The following DGKK variants were observed in gnomAD, a reference collection of about 807,000 sequenced individuals.
DGKK encodes diacylglycerol kinase kappa.
A neutral mutation model predicts 92.2 loss-of-function variants in DGKK; 35 were observed. The ratio of observed to expected loss-of-function variants is 0.38; its 90% CI spans 0.29 to 0.50. DGKK has a LOEUF of 0.50. Among genes scored for constraint, DGKK ranks in the 20% least tolerant of loss-of-function variants. The pLI is 0.92. For missense variants in DGKK, 910 were observed against 992.2 expected (o/e 0.92, Z 1.11); for synonymous variants, 368 against 360.6 (o/e 1.02, Z -0.23).
At chrX:50,439,604 G>A (rs1602296610) in intron 1 of DGKK, among the ~76,000 whole-genome samples, 1 of 110,889 alleles carries the variant, frequency 9.0e-6, no homozygotes, top group Admixed American at 9.7e-5. Context: ...TTTGATATTA[G>A]TGTTTTGCCC....
chrX:50,405,334 C>A (rs1925123046), intron 4 of DGKK, among the ~76,000 whole-genome samples: 2 of 111,559 alleles, frequency 1.8e-5, no homozygotes, highest in African/African-American at 6.5e-5. Context: ...CAAAAAAACT[C>A]CAAGGACTCT....
intron 1 of DGKK, among the ~76,000 whole-genome samples, chrX:50,435,715 GTGTGTA>G (rs1382422877): frequency 1.5e-4 from 15 of 97,447 alleles, no homozygotes; most frequent in African/African-American, 3.8e-4. Flanking sequence ...AGGAGTGTGT[GTGTGTA>G]TGTGTGTGTG....
At chrX:50,401,232 T>C in intron 7 of DGKK, 93 bp from the exon 8 acceptor site, 1 of 795,037 alleles carries the variant, frequency 1.3e-6, no homozygotes, top group Non-Finnish European at 1.9e-6. Context: ...AAGATTTAGA[T>C]TCTTAGTATT....
chrX:50,371,235 G>A (rs1379257193), intron 26 of DGKK, among the ~76,000 whole-genome samples: 1 of 111,878 alleles, frequency 8.9e-6, no homozygotes, highest in Non-Finnish European at 1.9e-5. Context: ...CCCAGAGTGG[G>A]AGGGACGGAA....
At chrX:50,397,346 A>G (rs1557226209) in intron 8 of DGKK, among the ~76,000 whole-genome samples, 1 of 112,396 alleles carries the variant, frequency 8.9e-6, no homozygotes, top group African/African-American at 3.2e-5. Context: ...CTCTTCCCGT[A>G]CTTTTAAAAT....
intron 11 of DGKK, 35 bp from the exon 12 acceptor site, chrX:50,390,444 C>T (rs782414702): frequency 3.0e-5 from 34 of 1,143,017 alleles, no homozygotes; most frequent in Non-Finnish European, 3.9e-5. Flanking sequence ...ATTTAAGGGT[C>T]TGTTTCATGA....
At chrX:50,467,618 C>T (rs1168631810) in intron 1 of DGKK, among the ~76,000 whole-genome samples, 5 of 112,723 alleles carry the variant, frequency 4.4e-5, no homozygotes, top group Non-Finnish European at 5.6e-5. Flanking sequence ...ACAGTTTTTT[C>T]CCCCCAAGCT....
At chrX:50,447,356 T>TGA (rs1926353703) in intron 1 of DGKK, among the ~76,000 whole-genome samples, 3 of 10,601 alleles carry the variant, frequency 2.8e-4, no homozygotes, top group African/African-American at 8.9e-4. Flanking sequence ...TATATATATA[T>TGA]AATATATATA....
intron 17 of DGKK, among the ~76,000 whole-genome samples, chrX:50,383,172 C>A (rs1557224618): frequency 8.9e-6 from 1 of 111,834 alleles, no homozygotes; most frequent in Non-Finnish European, 1.9e-5. Flanking sequence ...TGTGCCATAG[C>A]CAGTTGGCAC....
intron 4 of DGKK, among the ~76,000 whole-genome samples, chrX:50,408,101 T>C (rs1602282339): frequency 8.9e-6 from 1 of 112,559 alleles, no homozygotes; most frequent in African/African-American, 3.2e-5. Flanking sequence ...GTTGCCATCA[T>C]AGGCCCAAAG....
At chrX:50,428,842 C>G (rs1208958203) in intron 1 of DGKK, among the ~76,000 whole-genome samples, 1 of 111,766 alleles carries the variant, frequency 8.9e-6, no homozygotes, top group African/African-American at 3.3e-5. Context: ...CTAAATAAAC[C>G]ATTGTTTATT....
chrX:50,451,850 T>C (rs977289497), intron 1 of DGKK, among the ~76,000 whole-genome samples: 41 of 112,079 alleles, frequency 3.7e-4, no homozygotes, highest in Non-Finnish European at 7.2e-4. Flanking sequence ...ATGACTCTGA[T>C]GTTAAGATGC....
intron 1 of DGKK, among the ~76,000 whole-genome samples, chrX:50,444,811 T>G (rs1422014314): frequency 5.4e-5 from 6 of 110,520 alleles, no homozygotes; most frequent in Non-Finnish European, 9.5e-5. Flanking sequence ...ATATACTCAG[T>G]AATGGGATTG....
At chrX:50,444,814 T>C (rs895010069) in intron 1 of DGKK, among the ~76,000 whole-genome samples, 3 of 111,321 alleles carry the variant, frequency 2.7e-5, no homozygotes, top group Non-Finnish European at 5.7e-5. Context: ...TACTCAGTAA[T>C]GGGATTGCTG....
At chrX:50,374,376 A>G (rs1206755840) in intron 25 of DGKK, among the ~76,000 whole-genome samples, 1 of 111,221 alleles carries the variant, frequency 9.0e-6, no homozygotes, top group Non-Finnish European at 1.9e-5. Flanking sequence ...GCAAAGAAGG[A>G]CCCCTTACAG....
intron 22 of DGKK, 54 bp from the exon 23 acceptor site, chrX:50,376,972 A>G: frequency 1.8e-6 from 2 of 1,095,755 alleles, no homozygotes; most frequent in Non-Finnish European, 2.4e-6. Context: ...ACTAGTGCAC[A>G]TGACAGATCT....
chrX:50,382,349 CGCT>C, intron 18 of DGKK, 144 bp downstream of exon 18: 1 of 442,819 alleles, frequency 2.3e-6, no homozygotes, highest in South Asian at 5.1e-5. Flanking sequence ...CACACTGTCC[CGCT>C]AGACTAGTCT....
In DGKK at chrX:50,380,108, G is replaced by A. The variant is rs781896623; in HGVS notation, c.2658-31C>T. 1.6e-4 allele frequency: 168 copies of A among 1,079,908 alleles called. 2 individuals are homozygous for A. The East Asian group carries it at 5.0e-3, about 32-fold the overall frequency. 89.0% of individuals were successfully genotyped at this position (1,079,908 alleles called of 1,213,427 possible). On this transcript the variant is annotated intron_variant, in intron 18 of 27. Coordinates refer to ENST00000611977, the MANE Select transcript of DGKK (RefSeq NM_001013742.4). Reference sequence around the variant, plus strand: ...TGGAGGTAAGCATTAAGAAAGCAGAGGGTGAATGATATATAGATAAATGGT... The same window carrying A: ...TGGAGGTAAGCATTAAGAAAGCAGAAGGTGAATGATATATAGATAAATGGT...
At chrX:50,445,121 C>CTT (rs57163220) in intron 1 of DGKK, among the ~76,000 whole-genome samples, 19 of 67,462 alleles carry the variant, frequency 2.8e-4, no homozygotes, top group African/African-American at 5.6e-4. Context: ...CCTTTGCCCA[C>CTT]TTTTTTTTTT....
Sources: allele counts gnomAD v4.1 joint callset (sites outside exome capture counted in the v4.1 genomes callset), GRCh38; gene constraint gnomAD v4.1.1; transcripts MANE v1.5; gene names NCBI Gene and HGNC (gene_info 2026-07-23, HGNC 2026-07-21).